The following MEIKIN variants were observed in gnomAD, a reference collection of about 807,000 sequenced individuals.
MEIKIN encodes meiotic kinetochore factor.
chr5:131,883,689 A>C (rs747367291), intron 8 of MEIKIN, among the ~76,000 whole-genome samples: 5 of 152,238 alleles, frequency 3.3e-5, no homozygotes, highest in Non-Finnish European at 5.9e-5. Context: ...AAGCACCTTC[A>C]TAAGAACCAA....
At chr5:131,846,833 A>G (rs1750030501) in intron 11 of MEIKIN, among the ~76,000 whole-genome samples, 1 of 152,060 alleles carries the variant, frequency 6.6e-6, no homozygotes, top group Non-Finnish European at 1.5e-5. Context: ...AAAATTATTA[A>G]TTTATGTTTT....
rs1426263670 is a variant in MEIKIN at position 131,944,574 on chromosome 5, A to G, written c.288+91T>C. 1.8e-5 allele frequency: 7 copies of G among 397,980 alleles called. No homozygotes were observed. The East Asian group carries it at 2.5e-4, about 14-fold the overall frequency. The allele number at this position is 397,980 out of a possible 1,614,324, so 24.7% of individuals were successfully genotyped here. A position where few individuals can be genotyped will look rare whatever the true frequency, so the allele number is the denominator to read the frequency against. On this transcript the variant is annotated intron_variant, in intron 3 of 12. Coordinates refer to ENST00000442687, the MANE Select transcript of MEIKIN (RefSeq NM_001303622.2). The stretch of plus-strand genomic sequence containing the variant: ...GAGCTATGTAACATCTACAGAACAA[A>G]GCCCATTTTATTCTTTCATCCGGAG...
chr5:131,919,041 T>C (rs1454174922), intron 6 of MEIKIN, among the ~76,000 whole-genome samples: 1 of 152,050 alleles, frequency 6.6e-6, no homozygotes, highest in Non-Finnish European at 1.5e-5. Context: ...ACTGACAAAC[T>C]GGGACAAAAT....
At chr5:131,823,963 G>C (rs1749564958) in intron 11 of MEIKIN, among the ~76,000 whole-genome samples, 1 of 152,156 alleles carries the variant, frequency 6.6e-6, no homozygotes, top group South Asian at 2.1e-4. Flanking sequence ...AAATTATCTG[G>C]ATTCCTAGGC....
rs1749564072 is a variant in MEIKIN, at chr5:131,823,915, G to T, written c.976-5052C>A. Among the ~76,000 whole-genome samples the T allele has an allele frequency of 2.6e-5, 4 of 152,278 alleles. No homozygotes were observed. The South Asian group carries it at 8.3e-4, about 32-fold the overall frequency. On this transcript the variant is annotated intron_variant, in intron 11 of 12. Transcript: ENST00000442687. ...TGCAGACTTGTAGCAGTACCACCTTGGTAGTACCACCTTGGTAGTGTTGGA... is the reference window on the plus strand; with the variant it reads ...TGCAGACTTGTAGCAGTACCACCTTTGTAGTACCACCTTGGTAGTGTTGGA...
At chr5:131,912,827 T>G (rs1292605870) in intron 7 of MEIKIN, among the ~76,000 whole-genome samples, 1 of 152,154 alleles carries the variant, frequency 6.6e-6, no homozygotes, top group Non-Finnish European at 1.5e-5. Context: ...CAATTTAAAT[T>G]TTTTCCTTTT....
chr5:131,906,484 C>T (rs990407736), intron 8 of MEIKIN, among the ~76,000 whole-genome samples: 1 of 152,112 alleles, frequency 6.6e-6, no homozygotes, highest in Non-Finnish European at 1.5e-5. Flanking sequence ...AAAAACAGAA[C>T]TACCATTTGA....
chr5:131,888,673 T>C (rs1750846700), intron 8 of MEIKIN, among the ~76,000 whole-genome samples: 1 of 152,234 alleles, frequency 6.6e-6, no homozygotes. Flanking sequence ...CTGGTCACTC[T>C]GATGGTAGTT....
At chr5:131,901,251 T>C (rs187037526) in intron 8 of MEIKIN, among the ~76,000 whole-genome samples, 13 of 152,174 alleles carry the variant, frequency 8.5e-5, no homozygotes, top group African/African-American at 2.4e-4. Flanking sequence ...CAAAACTATA[T>C]AGGGAGACCG....
chr5:131,858,753 T>C (rs967612848), intron 9 of MEIKIN, among the ~76,000 whole-genome samples: 3 of 152,118 alleles, frequency 2.0e-5, no homozygotes, highest in Non-Finnish European at 2.9e-5. Context: ...AACAGCTCCA[T>C]TAAAAAGTGG....
Position 131,865,818 on chromosome 5 carries a change from T to C in MEIKIN, c.775-10984A>G, listed in dbSNP as rs147548521. Among the ~76,000 whole-genome samples the C allele has an allele frequency of 7.5e-4, 114 of 152,372 alleles. No homozygotes were observed. The East Asian group carries it at 0.016, about 21-fold the overall frequency. On this transcript the variant is annotated intron_variant, in intron 9 of 12. Coordinates refer to ENST00000442687, the MANE Select transcript of MEIKIN (RefSeq NM_001303622.2). ...CTGTAAACAGCATCAGTGTTATCTG[T>C]GATTTCCTTGGTGGCTTAGCATGTG...
chr5:131,908,366 T>C (rs796575182), intron 8 of MEIKIN, among the ~76,000 whole-genome samples: 2 of 152,102 alleles, frequency 1.3e-5, no homozygotes, highest in South Asian at 2.1e-4. Flanking sequence ...AAAATCGTGA[T>C]AAAATTCAAC....
intron 8 of MEIKIN, among the ~76,000 whole-genome samples, chr5:131,881,793 C>T (rs1281051773): frequency 2.0e-5 from 3 of 152,116 alleles, no homozygotes; most frequent in South Asian, 4.2e-4. Context: ...GTTCTTTCCT[C>T]GTTGGCACCC....
At chr5:131,894,963 T>A (rs1297772668) in intron 8 of MEIKIN, among the ~76,000 whole-genome samples, 1 of 152,210 alleles carries the variant, frequency 6.6e-6, no homozygotes, top group Non-Finnish European at 1.5e-5. Flanking sequence ...AGAGAGCACA[T>A]CCTTGTCTTG....
chr5:131,913,120 C>A (rs1010130710), intron 7 of MEIKIN, among the ~76,000 whole-genome samples: 9 of 152,140 alleles, frequency 5.9e-5, no homozygotes, highest in African/African-American at 2.2e-4. Flanking sequence ...GGAGGTTTAC[C>A]TATCACTGGA....
intron 9 of MEIKIN, among the ~76,000 whole-genome samples, chr5:131,864,545 A>G (rs1263994510): frequency 1.3e-5 from 2 of 152,190 alleles, no homozygotes; most frequent in Non-Finnish European, 2.9e-5. Context: ...TGAATATATC[A>G]TATCATTCTT....
At chr5:131,833,918 C>T (rs1227755564) in intron 11 of MEIKIN, among the ~76,000 whole-genome samples, 1 of 152,186 alleles carries the variant, frequency 6.6e-6, no homozygotes, top group Non-Finnish European at 1.5e-5. Context: ...TTTGTTTCTA[C>T]ACAGATATTC....
In MEIKIN at chr5:131,885,339, GAAA is replaced by G. The variant is rs1159010556; in HGVS notation, c.704-6294_704-6292del. Reference sequence around the variant, plus strand: ...CCCCAGCTGCAGGCCACTCAGAACTGAAAGAGAGAGAGAGAGAGAGAGAGAGAG... The same window carrying G: ...CCCCAGCTGCAGGCCACTCAGAACTGGAGAGAGAGAGAGAGAGAGAGAGAG... On this transcript the variant is annotated intron_variant, in intron 8 of 12. Coordinates refer to ENST00000442687, the MANE Select transcript of MEIKIN (RefSeq NM_001303622.2). Among the ~76,000 whole-genome samples, 14 of 106,912 alleles carry G rather than the reference GAAA, an allele frequency of 1.3e-4. 1 individual carries two copies. Among genetic ancestry groups the G allele is most frequent in the Non-Finnish European group, 2.3e-4 (13 of 56,896 alleles). The allele number at this position is 106,912 out of a possible 152,430, so 70.1% of individuals were successfully genotyped here. A position where few individuals can be genotyped will look rare whatever the true frequency, so the allele number is the denominator to read the frequency against.
At chr5:131,857,646 G>A (rs1561734386) in intron 9 of MEIKIN, among the ~76,000 whole-genome samples, 1 of 152,068 alleles carries the variant, frequency 6.6e-6, no homozygotes, top group African/African-American at 2.4e-5. Flanking sequence ...GAGAGCTCCC[G>A]CTGACCAGCC....
Sources: allele counts gnomAD v4.1 joint callset (sites outside exome capture counted in the v4.1 genomes callset), GRCh38; gene constraint gnomAD v4.1.1; transcripts MANE v1.5; gene names NCBI Gene and HGNC (gene_info 2026-07-23, HGNC 2026-07-21).